The following MECOM variants were observed in gnomAD, a reference collection of about 807,000 sequenced individuals.
MECOM encodes the protein MDS1 and EVI1 complex locus.
A neutral mutation model predicts 116.3 loss-of-function variants in MECOM; 13 were observed. That is an observed-to-expected ratio of 0.11 (90% CI 0.07 to 0.18). MECOM has a LOEUF of 0.18. Ranked by LOEUF, MECOM falls within the 10% of genes least tolerant of loss-of-function variation. MECOM has a pLI of 1.00. For missense variants in MECOM, 1,299 were observed against 1,509.0 expected (o/e 0.86, Z 2.31); for synonymous variants, 528 against 535.2 (o/e 0.99, Z 0.19).
chr3:169,206,683 G>A (rs1749967184), intron 2 of MECOM, among the ~76,000 whole-genome samples: 1 of 151,544 alleles, frequency 6.6e-6, no homozygotes, highest in Admixed American at 6.6e-5. Flanking sequence ...AACTCAGGAG[G>A]CGGAGGTTGC....
At chr3:169,161,994 G>A (rs1022290069) in intron 2 of MECOM, among the ~76,000 whole-genome samples, 2 of 152,168 alleles carry the variant, frequency 1.3e-5, no homozygotes, top group African/African-American at 4.8e-5. Flanking sequence ...TGCCCAGCTA[G>A]CTGAGCCACC....
At chr3:169,461,752 C>T (rs1747483618) in intron 1 of MECOM, among the ~76,000 whole-genome samples, 1 of 152,058 alleles carries the variant, frequency 6.6e-6, no homozygotes, top group Non-Finnish European at 1.5e-5. Context: ...TAGCAAAACA[C>T]CTAGCTGATA....
intron 2 of MECOM, among the ~76,000 whole-genome samples, chr3:169,289,958 T>C (rs1254349697): frequency 6.6e-6 from 1 of 152,182 alleles, no homozygotes; most frequent in Non-Finnish European, 1.5e-5. Context: ...GACTCTCTTC[T>C]TGAGAAGGTA....
At chr3:169,499,401 T>C in intron 1 of MECOM, among the ~76,000 whole-genome samples, 1 of 146,734 alleles carries the variant, frequency 6.8e-6, no homozygotes, top group East Asian at 2.0e-4. Flanking sequence ...AGAAGAACTG[T>C]TCTCCTCAAT....
At chr3:169,394,959 C>T (rs1014225349) in intron 1 of MECOM, among the ~76,000 whole-genome samples, 3 of 152,164 alleles carry the variant, frequency 2.0e-5, no homozygotes, top group African/African-American at 7.2e-5. Flanking sequence ...GAAAAACCAG[C>T]TGAGCCAATT....
intron 2 of MECOM, among the ~76,000 whole-genome samples, chr3:169,352,629 T>A (rs543113935): frequency 9.2e-5 from 14 of 152,000 alleles, no homozygotes; most frequent in Admixed American, 5.9e-4. Context: ...TAATTTCATA[T>A]CCTATTCATT....
chr3:169,555,684 A>G (rs1237006577), intron 1 of MECOM, among the ~76,000 whole-genome samples: 1 of 152,154 alleles, frequency 6.6e-6, no homozygotes, highest in Non-Finnish European at 1.5e-5. Flanking sequence ...TCGAGGTACC[A>G]TTTTTCTCTG....
At chr3:169,215,530 C>T (rs1751313343) in intron 2 of MECOM, among the ~76,000 whole-genome samples, 1 of 152,094 alleles carries the variant, frequency 6.6e-6, no homozygotes, top group African/African-American at 2.4e-5. Flanking sequence ...AAACAGGAGC[C>T]GGCTCAGCTT....
chr3:169,565,358 G>A (rs899387461), intron 1 of MECOM, among the ~76,000 whole-genome samples: 11 of 152,294 alleles, frequency 7.2e-5, no homozygotes, highest in East Asian at 1.9e-4. Flanking sequence ...GGTAGTCCAC[G>A]CAGTCTAGGG....
At chr3:169,248,548 C>G (rs1453018294) in intron 2 of MECOM, among the ~76,000 whole-genome samples, 1 of 152,148 alleles carries the variant, frequency 6.6e-6, no homozygotes, top group Non-Finnish European at 1.5e-5. Flanking sequence ...CTATTCATCT[C>G]TTCTTTGAGT....
chr3:169,202,649 T>A (rs2149451924), intron 2 of MECOM, among the ~76,000 whole-genome samples: 1 of 152,062 alleles, frequency 6.6e-6, no homozygotes, highest in African/African-American at 2.4e-5. Context: ...TAGTTATTAT[T>A]TCTATGGTAC....
chr3:169,347,415 G>A (rs1259150736), intron 2 of MECOM, among the ~76,000 whole-genome samples: 2 of 152,018 alleles, frequency 1.3e-5, no homozygotes, highest in Non-Finnish European at 2.9e-5. Flanking sequence ...ATGTCTGTGT[G>A]TGTGCATGCA....
rs1371819788 is a variant in MECOM at position 169,611,932 on chromosome 3, A to C, written c.37+51404T>G. ...CGGTTTCTAAATCTCAACGCTATTG[A>C]CATTTTGAGCCAGATAATTCTTTGT... On this transcript the variant is annotated intron_variant, in intron 1 of 16. Coordinates refer to ENST00000651503, the MANE Select transcript of MECOM (RefSeq NM_004991.4). This position sits in a 1 kb window ranked among gnomAD's most constrained non-coding sequence, Gnocchi z 4.1. 6.6e-6 allele frequency among the ~76,000 whole-genome samples: 1 copy of C among 152,208 alleles called. No homozygotes were observed. The highest frequency in any genetic ancestry group is 2.4e-5 in the African/African-American group (1 of 41,458).
At chr3:169,632,199 A>T (rs1440620404) in intron 1 of MECOM, among the ~76,000 whole-genome samples, 7 of 126,554 alleles carry the variant, frequency 5.5e-5, no homozygotes, top group African/African-American at 2.0e-4. Flanking sequence ...AAATATATAT[A>T]TATATATATT....
At chr3:169,218,509 G>A (rs1390904174) in intron 2 of MECOM, among the ~76,000 whole-genome samples, 1 of 152,114 alleles carries the variant, frequency 6.6e-6, no homozygotes, top group African/African-American at 2.4e-5. Flanking sequence ...CTTCCCTTTT[G>A]ACTGGAATGA....
intron 1 of MECOM, among the ~76,000 whole-genome samples, chr3:169,440,483 T>A (rs1031085531): frequency 7.4e-6 from 1 of 135,356 alleles, no homozygotes; most frequent in East Asian, 2.2e-4. Flanking sequence ...AGAAACCCAA[T>A]GAGCAAGGGA....
At chr3:169,451,909 T>C (rs79887982) in intron 1 of MECOM, among the ~76,000 whole-genome samples, 1,716 of 152,020 alleles carry the variant, frequency 0.011, 12 homozygotes, top group Non-Finnish European at 0.02. Context: ...GCCCCACTGC[T>C]AACTGATAAT....
chr3:169,151,292 A>G (rs1159631978), intron 2 of MECOM, among the ~76,000 whole-genome samples: 2 of 152,226 alleles, frequency 1.3e-5, no homozygotes, highest in Admixed American at 6.5e-5. Flanking sequence ...TGCAGAGGAC[A>G]ATATTTAAAA....
chr3:169,152,941 T>G (rs527747140), intron 2 of MECOM, among the ~76,000 whole-genome samples: 2 of 152,320 alleles, frequency 1.3e-5, no homozygotes, highest in Middle Eastern at 6.8e-3. Context: ...CTTTGGAAAC[T>G]AAGATGAAGT....
Sources: gnomAD v4.1 joint callset for allele counts (sites outside exome capture counted in the v4.1 genomes callset) on GRCh38, gnomAD v4.1.1 for gene constraint, Gnocchi (gnomAD v3.1) non-coding constraint, MANE v1.5 for transcripts, NCBI Gene and HGNC (gene_info 2026-07-23, HGNC 2026-07-21) for gene names.